Variants in STEAP4 observed in about 807,000 individuals in gnomAD.
STEAP4 encodes metalloreductase STEAP4.
Under a neutral mutation model 43.6 loss-of-function variants are expected in STEAP4, and 36 were observed. The observed-to-expected ratio is 0.83, with a 90% confidence interval of 0.63 to 1.09. The LOEUF (loss-of-function observed/expected upper bound fraction) is 1.09, where lower values mean the gene tolerates loss of function less well. Among genes scored for constraint, STEAP4 ranks in the 50% least tolerant of loss-of-function variants. The pLI, the probability that STEAP4 is intolerant of heterozygous loss-of-function variation, is 0.00. For missense variants in STEAP4, 495 were observed against 546.5 expected, an observed-to-expected ratio of 0.91 and a Z score of 0.94; for synonymous variants, 191 against 196.7, an observed-to-expected ratio of 0.97 and a Z score of 0.24.
chr7:88,293,588 G>A (rs893651404), intron 1 of STEAP4, among the ~76,000 whole-genome samples: 2 of 152,030 alleles, frequency 1.3e-5, no homozygotes, highest in Non-Finnish European at 2.9e-5. Context: ...ATAAGTCTAT[G>A]ATCCATTTTA....
chr7:88,278,824 T>A lies in STEAP4; in HGVS notation c.*574A>T, dbSNP rs1852558121. 6.5e-6 allele frequency: 1 copy of A among 154,326 alleles called. No homozygotes were observed. The highest frequency in any genetic ancestry group is 2.4e-5 in the African/African-American group (1 of 41,456). The allele number at this position is 154,326 out of a possible 1,614,324, so 9.6% of individuals were successfully genotyped here. A position where few individuals can be genotyped will look rare whatever the true frequency, so the allele number is the denominator to read the frequency against. On this transcript the variant is annotated 3_prime_UTR_variant, in exon 5 of 5. Transcript: ENST00000380079. ...TAAAAATAGTTCCTCTCAGTAAATATCTGTATTAAGAAAAGCAAAGTCAAG... is the reference window on the plus strand; with the variant it reads ...TAAAAATAGTTCCTCTCAGTAAATAACTGTATTAAGAAAAGCAAAGTCAAG...
At position 88,283,019 on chromosome 7, in the gene STEAP4, G is replaced by C. The variant is rs1161669831; in HGVS notation, c.606C>G (p.Phe202Leu). ...YPLQLFPMWRFPFYLSAVLCV... is the reference protein window; with the variant it reads ...YPLQLFPMWRLPFYLSAVLCV... ...ACAGCACAGCAGACAAATAGAAGGG[G>C]AACCTCCACATTGGAAATAGCTGCA... is the stretch of plus-strand genomic sequence containing the variant. Residue 202 changes from phenylalanine to leucine, a missense_variant, in exon 3 of 5, where the codon TTC becomes TTG. Transcript: ENST00000380079. The C allele has an allele frequency of 6.2e-7, 1 of 1,613,780 alleles. No homozygotes were observed. Among genetic ancestry groups the C allele is most frequent in the Non-Finnish European group, 8.5e-7 (1 of 1,179,860 alleles).
Position 88,282,996 on chromosome 7 carries a change from A to G in STEAP4, c.629T>C (p.Leu210Pro). 1 of 1,613,784 alleles carries G rather than the reference A, an allele frequency of 6.2e-7. No homozygotes were observed. Among genetic ancestry groups the G allele is most frequent in the Non-Finnish European group, 8.5e-7 (1 of 1,179,866 alleles). Residue 210 changes from leucine (L) to proline (P), a missense_variant, in exon 3 of 5, where the codon CTG (leucine) becomes CCG (proline). By Grantham distance (98) the Leu-to-Pro change is moderately conservative. Transcript: ENST00000380079. ...ACAATAGAAAAACAAGAAGACACAC[A>G]GCACAGCAGACAAATAGAAGGGGAA... ...WRFPFYLSAV[L>P]CVFLFFYCVI...
Position 88,279,331 on chromosome 7 carries a change from C to A in STEAP4, c.*67G>T. ...ATCATTCTTCTTTAAACATTCAAAACCATAGTTCAGAAATCCAGCTAAATT... is the reference window on the plus strand; with the variant it reads ...ATCATTCTTCTTTAAACATTCAAAAACATAGTTCAGAAATCCAGCTAAATT... On this transcript the variant is annotated 3_prime_UTR_variant, in exon 5 of 5. Coordinates refer to ENST00000380079, the MANE Select transcript of STEAP4 (RefSeq NM_024636.4). 2.0e-6 allele frequency: 3 copies of A among 1,485,132 alleles called. No individual in the cohort carries two copies. Among genetic ancestry groups the A allele is most frequent in the Non-Finnish European group, 2.8e-6 (3 of 1,073,512 alleles). The allele number at this position is 1,485,132 out of a possible 1,614,324, so 92.0% of individuals were successfully genotyped here.
intron 1 of STEAP4, among the ~76,000 whole-genome samples, chr7:88,296,903 T>C (rs545028739): frequency 1.3e-5 from 2 of 152,126 alleles, no homozygotes; most frequent in Non-Finnish European, 2.9e-5. Flanking sequence ...TTACAGTTTA[T>C]TAAAAAAAAG....
chr7:88,306,248 GACAA>G (rs764560278), intron 1 of STEAP4, among the ~76,000 whole-genome samples: 52 of 152,278 alleles, frequency 3.4e-4, no homozygotes, highest in Admixed American at 2.8e-3. Context: ...TCTGTCTCTG[GACAA>G]ACAAACGGAA....
rs774445790 is a variant in STEAP4, at chr7:88,284,045, G to A, written c.225C>T (p.Gly75=). The A allele has an allele frequency of 5.0e-6, 8 of 1,614,110 alleles. No individual in the cohort carries two copies. The South Asian group carries it at 8.8e-5, about 18-fold the overall frequency. The change falls in exon 2 of 5, where the codon GGC becomes GGT. Residue 75 remains glycine (G), a synonymous_variant. Transcript: ENST00000380079. ...LSYSEAAKKS[G]IIIIAIHREH... is the part of the protein sequence containing the mutation. ...CTCTGTGGATTGCTATGATTATGAT[G>A]CCAGACTTCTTGGCTGCTTCTGAAT...
chr7:88,286,949 T>C (rs1229075744), intron 1 of STEAP4, among the ~76,000 whole-genome samples: 1 of 152,044 alleles, frequency 6.6e-6, no homozygotes, highest in Non-Finnish European at 1.5e-5. Flanking sequence ...AGACACTCTG[T>C]AATGGGGCTA....
In STEAP4 at chr7:88,275,854, T is replaced by C. The variant is rs1409381021; in HGVS notation, c.*3544A>G. 1 of 152,222 alleles carries C rather than the reference T, an allele frequency of 6.6e-6. No individual in the cohort carries two copies. Among genetic ancestry groups the C allele is most frequent in the African/African-American group, 2.4e-5 (1 of 41,458 alleles). The allele number at this position is 152,222 out of a possible 1,614,324, so 9.4% of individuals were successfully genotyped here. ...TGAATGAAGAGCTCCTGAATGAATT[T>C]CTAATTGAAATGGCTTTTTCAGTAG... On this transcript the variant is annotated 3_prime_UTR_variant, in exon 5 of 5. Transcript: ENST00000380079.
chr7:88,296,511 C>T (rs1469114799), intron 1 of STEAP4, among the ~76,000 whole-genome samples: 1 of 151,966 alleles, frequency 6.6e-6, no homozygotes, highest in Non-Finnish European at 1.5e-5. Flanking sequence ...TTTTATTATT[C>T]TTTCTGAATT....
Position 88,273,246 on chromosome 7 carries a change from T to A in STEAP4, c.*6152A>T, listed in dbSNP as rs946979766. ...TAATGAAATGAGAACAGGAAGTCTG[T>A]CATTCTTTTTCATCTCTATCTTAGC... On this transcript the variant is annotated 3_prime_UTR_variant, in exon 5 of 5. Transcript: ENST00000380079. The A allele has an allele frequency of 2.6e-5, 4 of 152,220 alleles. No individual in the cohort carries two copies. The highest frequency in any genetic ancestry group is 5.9e-5 in the Non-Finnish European group (4 of 68,032). The allele number at this position is 152,220 out of a possible 1,614,324, so 9.4% of individuals were successfully genotyped here.
At chr7:88,297,649 C>T (rs761118185) in intron 1 of STEAP4, among the ~76,000 whole-genome samples, 2 of 152,074 alleles carry the variant, frequency 1.3e-5, no homozygotes, top group Non-Finnish European at 2.9e-5. Flanking sequence ...TGTATTTTAT[C>T]TGGCAACCTT....
intron 1 of STEAP4, among the ~76,000 whole-genome samples, chr7:88,291,649 G>A (rs949965669): frequency 3.9e-5 from 6 of 152,066 alleles, no homozygotes; most frequent in Non-Finnish European, 7.4e-5. Flanking sequence ...GTAAATATAC[G>A]TTCATGGAGG....
intron 1 of STEAP4, among the ~76,000 whole-genome samples, chr7:88,306,323 T>C (rs966612233): frequency 1.3e-5 from 2 of 152,216 alleles, no homozygotes. Flanking sequence ...TCCAGAAAAA[T>C]AACCTTTAAA....
intron 1 of STEAP4, among the ~76,000 whole-genome samples, chr7:88,306,191 A>G (rs1041608418): frequency 6.6e-6 from 1 of 152,226 alleles, no homozygotes; most frequent in African/African-American, 2.4e-5. Context: ...TCTTTTAAAG[A>G]AAGTTCCTAA....
intron 3 of STEAP4, 62 bp from the exon 4 acceptor site, chr7:88,281,141 C>A: frequency 7.3e-7 from 1 of 1,371,800 alleles, no homozygotes; most frequent in Non-Finnish European, 9.6e-7. Context: ...TACAAACTGC[C>A]CACACTTTGA....
At chr7:88,306,725 G>C (rs1282328948) in intron 1 of STEAP4, 67 bp downstream of exon 1, 1 of 152,640 alleles carries the variant, frequency 6.6e-6, no homozygotes, top group Non-Finnish European at 1.5e-5. Context: ...TGGGGTCCTA[G>C]CAGCAGGGAC....
At position 88,272,793 on chromosome 7, in the gene STEAP4, A is replaced by T. The variant is rs146586871; in HGVS notation, c.*6605T>A. 6.6e-6 allele frequency: 1 copy of T among 152,232 alleles called. No homozygotes were observed. 9.4% of individuals were successfully genotyped at this position (152,232 alleles called of 1,614,324 possible). On this transcript the variant is annotated 3_prime_UTR_variant, in exon 5 of 5. Transcript: ENST00000380079. ...CACACTAAGAAAAATGGGTAGAAGT[A>T]CAACTAGGGAAACTTTGGTTATCTA...
chr7:88,302,983 C>T (rs1853063337), intron 1 of STEAP4, among the ~76,000 whole-genome samples: 1 of 143,904 alleles, frequency 6.9e-6, no homozygotes, highest in African/African-American at 2.7e-5. Flanking sequence ...AAATTGGGTG[C>T]TGAGGCCAAA....
Sources: allele counts gnomAD v4.1 joint callset (sites outside exome capture counted in the v4.1 genomes callset), GRCh38; gene constraint gnomAD v4.1.1; transcripts MANE v1.5; gene names NCBI Gene and HGNC (gene_info 2026-07-23, HGNC 2026-07-21).